Variants in CCDC30 observed in about 807,000 individuals in gnomAD.
CCDC30 encodes the protein coiled-coil domain containing 30.
In CCDC30, 70 loss-of-function variants were observed where a neutral mutation model predicts 100.2. The observed-to-expected ratio is 0.70, with a 90% CI of 0.58 to 0.85. The LOEUF (loss-of-function observed/expected upper bound fraction) is 0.85. Ranked by LOEUF, CCDC30 falls within the 40% of genes least tolerant of loss-of-function variation. The probability of loss-of-function intolerance (pLI) is 0.00; values close to 1 mark genes in which losing one functional copy is unlikely to be tolerated. For missense variants in CCDC30, 652 were observed against 771.2 expected (o/e 0.85, Z 1.83); for synonymous variants, 233 against 269.5 (o/e 0.86, Z 1.33).
chr1:42,611,145 G>T (rs1646615150), intron 11 of CCDC30, 55 bp downstream of exon 15: 8 of 1,062,282 alleles, frequency 7.5e-6, no homozygotes, highest in Non-Finnish European at 1.2e-5. Flanking sequence ...GTTATTTCTT[G>T]CTGAGCAGGC....
chr1:42,565,027 T>A lies in CCDC30; in HGVS notation c.457-1269T>A, dbSNP rs188110769. ...ACAAATGACAGGATTTCTGTCTTTT[T>A]AAAGGCTGAACAGTTTTGCATTGTA... On this transcript the variant is annotated intron_variant, in intron 6 of 16. Coordinates refer to ENST00000668663, the Ensembl canonical transcript of CCDC30. Among the ~76,000 whole-genome samples, 604 of 152,342 alleles carry A rather than the reference T, an allele frequency of 4.0e-3. 5 individuals carry two copies. The highest frequency in any genetic ancestry group is 0.014 in the African/African-American group (582 of 41,580).
intron 11 of CCDC30, among the ~76,000 whole-genome samples, chr1:42,636,122 T>G (rs910541398): frequency 1.3e-5 from 2 of 152,130 alleles, no homozygotes; most frequent in African/African-American, 4.8e-5. Flanking sequence ...TATATGGAAC[T>G]GGCTTTTAGA....
intron 6 of CCDC30, among the ~76,000 whole-genome samples, chr1:42,521,704 A>G (rs1168010541): frequency 3.3e-5 from 5 of 151,282 alleles, no homozygotes; most frequent in Non-Finnish European, 7.4e-5. Context: ...AATTCTGTAA[A>G]TTTTTTCTTT....
chr1:42,532,922 C>T (rs1016307262), intron 6 of CCDC30, among the ~76,000 whole-genome samples: 25 of 152,138 alleles, frequency 1.6e-4, no homozygotes, highest in African/African-American at 5.3e-4. Context: ...CCCGCCACCG[C>T]GCCCGGCTAA....
intron 15 of CCDC30, among the ~76,000 whole-genome samples, chr1:42,649,134 C>T (rs957766952): frequency 4.6e-5 from 7 of 152,018 alleles, no homozygotes; most frequent in African/African-American, 1.7e-4. Flanking sequence ...GAAGGAATAC[C>T]AATCTTACTC....
rs576413468 is a variant in CCDC30 at position 42,557,185 on chromosome 1, C to T, written c.457-9111C>T. 2.6e-5 allele frequency among the ~76,000 whole-genome samples: 4 copies of T among 152,038 alleles called. No individual in the cohort carries two copies. The South Asian group carries it at 6.2e-4, about 24-fold the overall frequency. ...ACATTTGAAAAGTGATTCAAGTATA[C>T]GTTTAGAAAAAGAGTAGCAATAAAG... On this transcript the variant is annotated intron_variant, in intron 6 of 16. Coordinates refer to ENST00000668663, the Ensembl canonical transcript of CCDC30.
chr1:42,609,974 T>C (rs1646585707), intron 10 of CCDC30, among the ~76,000 whole-genome samples: 1 of 152,218 alleles, frequency 6.6e-6, no homozygotes, highest in South Asian at 2.1e-4. Context: ...ATATCGGTCT[T>C]CTGACTACAA....
At chr1:42,483,046 T>G in intron 3 of CCDC30, 7 of 312,088 alleles carry the variant, frequency 2.2e-5, no homozygotes, top group East Asian at 4.9e-5. Flanking sequence ...CCACAAGAAA[T>G]TCCCAGCCTC....
chr1:42,556,008 T>G (rs1216021165), intron 6 of CCDC30, 148 bp from the exon 10 acceptor site: 2 of 832,694 alleles, frequency 2.4e-6, no homozygotes, highest in African/African-American at 1.7e-5. Flanking sequence ...TTTTTAAAGT[T>G]TATTTTTAAG....
At chr1:42,457,799 A>G in the CCDC30 span, among the ~76,000 whole-genome samples, 51,794 of 151,754 alleles carry the variant, frequency 0.34, 9,385 homozygotes, top group East Asian at 0.59. Flanking sequence ...CTAAAAAAAT[A>G]CAAAAATTAG....
chr1:42,469,204 C>T (rs1052755789), intron 1 of CCDC30, among the ~76,000 whole-genome samples: 1 of 151,940 alleles, frequency 6.6e-6, no homozygotes, highest in East Asian at 1.9e-4. Context: ...CATATAAGAC[C>T]CTCGTCTCTA....
intron 11 of CCDC30, among the ~76,000 whole-genome samples, chr1:42,632,912 C>T (rs1204694248): frequency 6.6e-6 from 1 of 151,978 alleles, no homozygotes; most frequent in Non-Finnish European, 1.5e-5. Flanking sequence ...CAGGTTCAAG[C>T]AATTCTGGTG....
At chr1:42,528,589 A>G (rs1401921744) in intron 6 of CCDC30, among the ~76,000 whole-genome samples, 1 of 152,180 alleles carries the variant, frequency 6.6e-6, no homozygotes, top group Non-Finnish European at 1.5e-5. Flanking sequence ...GCTCTGAGAA[A>G]GTCTCTGCCA....
intron 3 of CCDC30, among the ~76,000 whole-genome samples, chr1:42,485,437 C>T (rs542292678): frequency 6.6e-6 from 1 of 152,228 alleles, no homozygotes; most frequent in East Asian, 1.9e-4. Context: ...TGATATGGAT[C>T]TTACATCCAG....
chr1:42,559,223 A>G (rs756096108), intron 6 of CCDC30, among the ~76,000 whole-genome samples: 1 of 152,254 alleles, frequency 6.6e-6, no homozygotes, highest in Non-Finnish European at 1.5e-5. Flanking sequence ...CACTACGAAG[A>G]AACTGTATCA....
intron 11 of CCDC30, among the ~76,000 whole-genome samples, chr1:42,624,035 C>T (rs1646888077): frequency 6.6e-6 from 1 of 151,946 alleles, no homozygotes; most frequent in Non-Finnish European, 1.5e-5. Flanking sequence ...TCAGATTGTT[C>T]CCTGTTGGCA....
At chr1:42,564,137 ACT>A (rs1299439412) in intron 6 of CCDC30, among the ~76,000 whole-genome samples, 1 of 152,072 alleles carries the variant, frequency 6.6e-6, no homozygotes, top group Non-Finnish European at 1.5e-5. Flanking sequence ...GACTAAGGAA[ACT>A]CTAAGAATAT....
intron 6 of CCDC30, among the ~76,000 whole-genome samples, chr1:42,531,084 G>C (rs1054396622): frequency 6.6e-6 from 1 of 152,188 alleles, no homozygotes; most frequent in South Asian, 2.1e-4. Flanking sequence ...GGCCTGGTGG[G>C]AGGTGATTGG....
At chr1:42,529,016 C>T (rs1310192238) in intron 6 of CCDC30, among the ~76,000 whole-genome samples, 3 of 152,192 alleles carry the variant, frequency 2.0e-5, no homozygotes, top group Admixed American at 6.5e-5. Flanking sequence ...TCCTTGTCAT[C>T]TAGACTGAAG....
Sources: allele counts gnomAD v4.1 joint callset (sites outside exome capture counted in the v4.1 genomes callset), GRCh38; gene constraint gnomAD v4.1.1; transcripts MANE v1.5; gene names NCBI Gene and HGNC (gene_info 2026-07-23, HGNC 2026-07-21).